TMPRSS15: variants seen among roughly 807,000 people sequenced by gnomAD.
TMPRSS15 encodes enteropeptidase.
In TMPRSS15, 128 loss-of-function variants were observed where a neutral mutation model predicts 125.3. The observed-to-expected ratio is 1.02, with a 90% CI of 0.89 to 1.18. TMPRSS15 has a LOEUF of 1.18. Ranked by LOEUF, TMPRSS15 falls within the 50% of genes most tolerant of loss-of-function variation. TMPRSS15 has a pLI of 0.00. For missense variants in TMPRSS15, 1,283 were observed against 1,212.7 expected, an observed-to-expected ratio of 1.06 and a Z score of -0.86; for synonymous variants, 446 against 423.2, an observed-to-expected ratio of 1.05 and a Z score of -0.66.
At chr21:18,443,125 T>C (rs886254797) in intron 1 of TMPRSS15, among the ~76,000 whole-genome samples, 1 of 152,014 alleles carries the variant, frequency 6.6e-6, no homozygotes, top group Non-Finnish European at 1.5e-5. Flanking sequence ...CCCGATTAAA[T>C]AGTGCAGAGA....
intron 1 of TMPRSS15, among the ~76,000 whole-genome samples, chr21:18,426,863 C>T (rs1404870119): frequency 2.0e-5 from 3 of 152,184 alleles, no homozygotes; most frequent in African/African-American, 7.2e-5. Context: ...ACGCACATGC[C>T]ATAATCTAAC....
chr21:18,269,136 C>T lies in TMPRSS15; in HGVS notation c.*833G>A, dbSNP rs1291474103. The T allele has an allele frequency of 1.3e-5, 2 of 152,162 alleles. No individual in the cohort carries two copies. The highest frequency in any genetic ancestry group is 2.9e-5 in the Non-Finnish European group (2 of 68,030). 9.4% of individuals were successfully genotyped at this position (152,162 alleles called of 1,614,324 possible). On this transcript the variant is annotated 3_prime_UTR_variant, in exon 25 of 25. Transcript: ENST00000284885. ...ACAAGTGAAGCAAATTCATTTATTACACATATTTGACCTTCTCATGGGTGA... is the reference window on the plus strand; with the variant it reads ...ACAAGTGAAGCAAATTCATTTATTATACATATTTGACCTTCTCATGGGTGA...
chr21:18,359,767 C>T lies in TMPRSS15; in HGVS notation c.870G>A (p.Lys290=). The T allele has an allele frequency of 2.9e-6, 4 of 1,383,348 alleles. No homozygotes were observed. Among genetic ancestry groups the T allele is most frequent in the Non-Finnish European group, 4.1e-6 (4 of 974,430 alleles). The allele number at this position is 1,383,348 out of a possible 1,614,324, so 85.7% of individuals were successfully genotyped here. A position where few individuals can be genotyped will look rare whatever the true frequency, so the allele number is the denominator to read the frequency against. The change falls in exon 8 of 25, where the codon AAG becomes AAA. Residue 290 remains lysine, a synonymous_variant. Coordinates refer to ENST00000284885, the MANE Select transcript of TMPRSS15 (RefSeq NM_002772.3). ...TTTGTTTCAACTTACCTCTTAAAATCTTGCTTGATCCTACACCTTCATAAA... is the reference window on the plus strand; with the variant it reads ...TTTGTTTCAACTTACCTCTTAAAATTTTGCTTGATCCTACACCTTCATAAA... ...LDIYEGVGSS[K]ILRASIWETN...
At chr21:18,459,402 T>C (rs560745921) in intron 1 of TMPRSS15, among the ~76,000 whole-genome samples, 2 of 152,072 alleles carry the variant, frequency 1.3e-5, no homozygotes, top group South Asian at 4.2e-4. Context: ...GCCTCTCGAG[T>C]AGCTGGGACT....
At chr21:18,359,145 C>A (rs757749198) in intron 8 of TMPRSS15, among the ~76,000 whole-genome samples, 53 of 151,950 alleles carry the variant, frequency 3.5e-4, no homozygotes, top group Non-Finnish European at 1.9e-4. Context: ...ATTTTGGGGC[C>A]CGGTGGAATA....
chr21:18,418,534 T>G (rs2076185264), intron 1 of TMPRSS15, among the ~76,000 whole-genome samples: 1 of 152,158 alleles, frequency 6.6e-6, no homozygotes, highest in African/African-American at 2.4e-5. Flanking sequence ...TAGGGATTGA[T>G]CTATACGTGG....
intron 1 of TMPRSS15, among the ~76,000 whole-genome samples, chr21:18,461,862 G>A (rs1398395646): frequency 1.3e-5 from 2 of 152,006 alleles, no homozygotes; most frequent in Non-Finnish European, 2.9e-5. Flanking sequence ...TTATAAAATA[G>A]GCACAATCTT....
intron 24 of TMPRSS15, among the ~76,000 whole-genome samples, chr21:18,271,467 G>C (rs1200296513): frequency 6.6e-6 from 1 of 152,204 alleles, no homozygotes; most frequent in Non-Finnish European, 1.5e-5. Context: ...TCCTGCGGCA[G>C]ACTTGTTGCC....
chr21:18,324,882 A>G (rs1236024252), intron 16 of TMPRSS15, among the ~76,000 whole-genome samples: 5 of 152,290 alleles, frequency 3.3e-5, no homozygotes, highest in Non-Finnish European at 5.9e-5. Flanking sequence ...TAATAGGTAC[A>G]CCACAAACAG....
upstream of TMPRSS15, among the ~76,000 whole-genome samples, chr21:18,405,557 A>T (rs2076146290): frequency 6.6e-6 from 1 of 152,160 alleles, no homozygotes; most frequent in Admixed American, 6.5e-5. Context: ...AGCAAAGAAA[A>T]CTGTCTCAGC....
chr21:18,450,855 T>C (rs1475171050), intron 1 of TMPRSS15, among the ~76,000 whole-genome samples: 1 of 152,198 alleles, frequency 6.6e-6, no homozygotes, highest in Non-Finnish European at 1.5e-5. Flanking sequence ...AAGCCTTGAA[T>C]ATAAAGATTT....
At position 18,341,427 on chromosome 21, in the gene TMPRSS15, G is replaced by A. The variant is rs368823859; in HGVS notation, c.1550C>T (p.Pro517Leu). Residue 517 changes from proline (P) to leucine (L), a missense_variant, in exon 13 of 25, where the codon CCA becomes CTA. Transcript: ENST00000284885. ...YPEPTLVPTPPPELPTDCGGP... is the reference protein window; with the variant it reads ...YPEPTLVPTPLPELPTDCGGP... ...AGGTTACTTACTAGGAAGTTCTGGT[G>A]GAGGAGTTGGCACCAAAGTTGGTTC... is the stretch of plus-strand genomic sequence containing the variant. The A allele has an allele frequency of 1.2e-6, 2 of 1,614,136 alleles. No homozygotes were observed. The highest frequency in any genetic ancestry group is 1.7e-6 in the Non-Finnish European group (2 of 1,180,014).
At chr21:18,387,612 TACACACACACACACACAC>T (rs57708622) in intron 3 of TMPRSS15, among the ~76,000 whole-genome samples, 3 of 145,146 alleles carry the variant, frequency 2.1e-5, no homozygotes, top group African/African-American at 5.1e-5. Context: ...CACACACACA[TACACACACACACACACAC>T]ACACACACAC....
Position 18,270,184 on chromosome 21 carries a change from A to G in TMPRSS15, c.2905-60T>C, listed in dbSNP as rs2074537829. The G allele has an allele frequency of 8.6e-6, 12 of 1,397,292 alleles. No individual in the cohort carries two copies. The Admixed American group carries it at 2.0e-4, about 24-fold the overall frequency. 86.6% of individuals were successfully genotyped at this position (1,397,292 alleles called of 1,614,324 possible). On this transcript the variant is annotated intron_variant, in intron 24 of 24. Transcript: ENST00000284885. ...TGTGGTCAATTGATCGAAACATATA[A>G]AATTATTTGTATCAAATAAATTAAA...
At chr21:18,304,260 T>G (rs1457548312) in intron 18 of TMPRSS15, among the ~76,000 whole-genome samples, 1 of 152,178 alleles carries the variant, frequency 6.6e-6, no homozygotes, top group African/African-American at 2.4e-5. Context: ...AGTTGTTTGA[T>G]ATGTGTGTGT....
Position 18,312,990 on chromosome 21 carries a change from C to A in TMPRSS15, c.2120G>T (p.Trp707Leu). 1 of 1,613,844 alleles carries A rather than the reference C, an allele frequency of 6.2e-7. No homozygotes were observed. Among genetic ancestry groups the A allele is most frequent in the Non-Finnish European group, 8.5e-7 (1 of 1,179,868 alleles). The part of the protein sequence containing the change: ...SIWHTACAEN[W>L]TTQISNDVCQ... ...AACATCATTTGAAATCTGGGTGGTC[C>A]AGTTCTCAGCACAAGCTGTATGCCA... The change falls in exon 18 of 25, where the codon TGG becomes TTG. Residue 707 changes from tryptophan (W) to leucine (L), a missense_variant. Trp to Leu is a moderately conservative substitution (Grantham distance 61). Coordinates refer to ENST00000284885, the MANE Select transcript of TMPRSS15 (RefSeq NM_002772.3).
At chr21:18,419,157 C>T (rs1259529830) in intron 1 of TMPRSS15, among the ~76,000 whole-genome samples, 1 of 151,968 alleles carries the variant, frequency 6.6e-6, no homozygotes, top group Admixed American at 6.6e-5. Context: ...TAAAACTTAC[C>T]AGCTCCCCAA....
intron 1 of TMPRSS15, among the ~76,000 whole-genome samples, chr21:18,452,485 G>A (rs552907780): frequency 2.8e-4 from 43 of 152,176 alleles, no homozygotes; most frequent in African/African-American, 7.7e-4. Flanking sequence ...GCAACATGGC[G>A]AAACCATGTC....
chr21:18,342,872 T>C (rs899575913), intron 12 of TMPRSS15, among the ~76,000 whole-genome samples: 2 of 152,214 alleles, frequency 1.3e-5, no homozygotes, highest in African/African-American at 4.8e-5. Context: ...TACTCTTGTG[T>C]TTGAAATTAC....
Sources: gnomAD v4.1 joint callset for allele counts (sites outside exome capture counted in the v4.1 genomes callset) on GRCh38, gnomAD v4.1.1 for gene constraint, MANE v1.5 for transcripts, NCBI Gene and HGNC (gene_info 2026-07-23, HGNC 2026-07-21) for gene names.